Variants in ZBTB8B observed in about 807,000 individuals in gnomAD.
The protein encoded by ZBTB8B is zinc finger and BTB domain-containing protein 8B.
Under a neutral mutation model 30.3 loss-of-function variants are expected in ZBTB8B, and 17 were observed. The ratio of observed to expected loss-of-function variants is 0.56; its 90% confidence interval spans 0.38 to 0.84. The LOEUF is 0.84. ZBTB8B is among the 40% of genes least tolerant of loss of function. ZBTB8B has a pLI of 0.00. For missense variants in ZBTB8B, 515 were observed against 644.9 expected (o/e 0.80, Z 2.18); for synonymous variants, 248 against 255.6 (o/e 0.97, Z 0.28).
rs1299308178 is a variant in ZBTB8B, at chr1:32,471,383, G to A, written c.759G>A (p.Leu253=). 6.4e-7 allele frequency: 1 copy of A among 1,551,822 alleles called. No homozygotes were observed. The change falls in exon 2 of 4, where the codon CTG becomes CTA. Residue 253 remains leucine (L), a synonymous_variant. Transcript: ENST00000609129. The part of the protein sequence containing the change: ...GEQLQQYAAP[L]NLAHVEEALP... Reference sequence around the variant, plus strand: ...AGCTGCAGCAGTATGCTGCCCCGCTGAACCTGGCCCACGTGGAGGAGGCCT... The same window carrying A: ...AGCTGCAGCAGTATGCTGCCCCGCTAAACCTGGCCCACGTGGAGGAGGCCT...
At position 32,492,668 on chromosome 1, in the gene ZBTB8B, A is replaced by C. The variant is rs1643787462; in HGVS notation, c.*7250A>C. ...CTTGCCTGCTTCTGTTGCTCCCAGC[A>C]GATCAATGAGTGAAGATGGCTGGTT... On this transcript the variant is annotated 3_prime_UTR_variant, in exon 4 of 4. Transcript: ENST00000609129. The C allele has an allele frequency of 6.6e-6, 1 of 152,248 alleles. No individual in the cohort carries two copies. The highest frequency in any genetic ancestry group is 1.5e-5 in the Non-Finnish European group (1 of 68,072). 9.4% of individuals were successfully genotyped at this position (152,248 alleles called of 1,614,324 possible).
chr1:32,471,303 A>G lies in ZBTB8B; in HGVS notation c.679A>G (p.Ile227Val), dbSNP rs756397367. 75 of 1,551,668 alleles carry G rather than the reference A, an allele frequency of 4.8e-5. No individual in the cohort carries two copies. The highest frequency in any genetic ancestry group is 6.1e-5 in the Non-Finnish European group (70 of 1,147,010). The change falls in exon 2 of 4, where the codon ATA becomes GTA. Residue 227 changes from isoleucine to valine, a missense_variant. Physicochemically the swap from Ile to Val is conservative, Grantham distance 29. This residue lies in a region of ZBTB8B where 429 missense variants were observed against 504.3 expected (regional missense o/e 0.85). Coordinates refer to ENST00000609129, the MANE Select transcript of ZBTB8B (RefSeq NM_001145720.2). ...DSNLSTPPKR[I>V]EPKVEFDADE... ...CAACCTCTCTACTCCACCCAAACGG[A>G]TAGAGCCCAAGGTGGAATTTGATGC...
chr1:32,487,405 G>C lies in ZBTB8B; in HGVS notation c.*1987G>C, dbSNP rs1314755947. ...GTGACTCATGGCTTTGTCTTCTTGA[G>C]TGAGGTATGGACCAGTTCAGTTCTG... On this transcript the variant is annotated 3_prime_UTR_variant, in exon 4 of 4. Transcript: ENST00000609129. 1 of 152,276 alleles carries C rather than the reference G, an allele frequency of 6.6e-6. No individual in the cohort carries two copies. Among genetic ancestry groups the C allele is most frequent in the South Asian group, 2.1e-4 (1 of 4,832 alleles). 9.4% of individuals were successfully genotyped at this position (152,276 alleles called of 1,614,324 possible). A position where few individuals can be genotyped will look rare whatever the true frequency, so the allele number is the denominator to read the frequency against.
At chr1:32,475,447 G>T (rs566375100) in intron 2 of ZBTB8B, among the ~76,000 whole-genome samples, 1 of 152,088 alleles carries the variant, frequency 6.6e-6, no homozygotes, top group Non-Finnish European at 1.5e-5. Flanking sequence ...TTAGCCAGGC[G>T]TGGTGGCGAG....
chr1:32,470,316 C>T (rs1286720001), intron 1 of ZBTB8B, among the ~76,000 whole-genome samples: 2 of 149,864 alleles, frequency 1.3e-5, no homozygotes, highest in Admixed American at 6.6e-5. Context: ...CTGGCTAACA[C>T]GGTGAAACCC....
rs949752445 is a variant in ZBTB8B, at chr1:32,485,486, A to G, written c.*68A>G. 6.9e-7 allele frequency: 1 copy of G among 1,454,240 alleles called. No homozygotes were observed. Among genetic ancestry groups the G allele is most frequent in the Non-Finnish European group, 9.3e-7 (1 of 1,079,442 alleles). The allele number at this position is 1,454,240 out of a possible 1,614,324, so 90.1% of individuals were successfully genotyped here. Reference sequence around the variant, plus strand: ...GCTCGTTCTGTTGTTGAAAGATACCATTTGTCCAATTTTGTGGAACCCTGA... The same window carrying G: ...GCTCGTTCTGTTGTTGAAAGATACCGTTTGTCCAATTTTGTGGAACCCTGA... On this transcript the variant is annotated 3_prime_UTR_variant, in exon 4 of 4. Transcript: ENST00000609129.
chr1:32,470,631 A>G lies in ZBTB8B; in HGVS notation c.7A>G (p.Met3Val), dbSNP rs1379367547. The G allele has an allele frequency of 1.3e-6, 2 of 1,549,460 alleles. No homozygotes were observed. The highest frequency in any genetic ancestry group is 2.4e-5 in the South Asian group (2 of 83,978). ME[M>V]QSYYAKLLGE... ...AGCAGCAGCTGGCGGAGCAATGGAG[A>G]TGCAATCCTATTATGCCAAGCTTTT... is the stretch of plus-strand genomic sequence containing the variant. The change falls in exon 2 of 4, where the codon ATG (methionine) becomes GTG (valine). Residue 3 changes from methionine (M) to valine (V), a missense_variant. By Grantham distance (21) the Met-to-Val change is conservative. Around this residue, in one of 3 missense-constraint regions of ZBTB8B, gnomAD observed 25 missense variants for 22.9 expected, o/e 1.09. Transcript: ENST00000609129.
chr1:32,479,321 T>C (rs1643687290), intron 2 of ZBTB8B, among the ~76,000 whole-genome samples: 1 of 152,098 alleles, frequency 6.6e-6, no homozygotes, highest in African/African-American at 2.4e-5. Context: ...GGTCAGGAGT[T>C]GAGACCTGCC....
Position 32,481,054 on chromosome 1 carries a change from G to A in ZBTB8B, c.1155G>A (p.Arg385=), listed in dbSNP as rs753975350. The change falls in exon 3 of 4, where the codon CGG becomes CGA. Residue 385 remains arginine, a synonymous_variant. Transcript: ENST00000609129. ...GKRFTRQEHL[R]SHALSVHRSN... ...GGTTCACTCGACAAGAGCACCTGCG[G>A]AGCCACGCACTGAGTGTAAGTGTTC... The A allele has an allele frequency of 3.9e-6, 6 of 1,551,518 alleles. No individual in the cohort carries two copies. The highest frequency in any genetic ancestry group is 3.6e-5 in the South Asian group (3 of 83,986).
rs1467762650 is a variant in ZBTB8B, at chr1:32,492,035, T to C, written c.*6617T>C. 3.9e-5 allele frequency: 6 copies of C among 152,296 alleles called. No individual in the cohort carries two copies. Among genetic ancestry groups the C allele is most frequent in the African/African-American group, 1.4e-4 (6 of 41,564 alleles). 9.4% of individuals were successfully genotyped at this position (152,296 alleles called of 1,614,324 possible). ...AACTCATTTTTCCTTTCTTGAATAG[T>C]GTTGTTGGTGCTTAGTTGCTTGTGA... is the stretch of plus-strand genomic sequence containing the variant. On this transcript the variant is annotated 3_prime_UTR_variant, in exon 4 of 4. Coordinates refer to ENST00000609129, the MANE Select transcript of ZBTB8B (RefSeq NM_001145720.2).
chr1:32,471,103 G>A lies in ZBTB8B; in HGVS notation c.479G>A (p.Ser160Asn). ...GCGGCTCATCAGGTTGACAGTGAAA[G>A]CCCCAGTTCAGGCCGGGAGGGGACC... ...AAAAHQVDSE[S>N]PSSGREGTSC... Residue 160 changes from serine (S) to asparagine (N), a missense_variant, in exon 2 of 4, where the codon AGC becomes AAC. Physicochemically the swap from Ser to Asn is conservative, Grantham distance 46. This residue lies in a region of ZBTB8B where 429 missense variants were observed against 504.3 expected (regional missense o/e 0.85). Transcript: ENST00000609129. 3 of 1,551,428 alleles carry A rather than the reference G, an allele frequency of 1.9e-6. No individual in the cohort carries two copies. Among genetic ancestry groups the A allele is most frequent in the Non-Finnish European group, 2.6e-6 (3 of 1,146,976 alleles).
chr1:32,475,076 C>T (rs1643652476), intron 2 of ZBTB8B, among the ~76,000 whole-genome samples: 1 of 152,200 alleles, frequency 6.6e-6, no homozygotes, highest in South Asian at 2.1e-4. Context: ...TGCCCTGGCC[C>T]CTGGCCATGC....
Position 32,471,207 on chromosome 1 carries a change from G to C in ZBTB8B, c.583G>C (p.Gly195Arg). 1 of 1,551,918 alleles carries C rather than the reference G, an allele frequency of 6.4e-7. No homozygotes were observed. The highest frequency in any genetic ancestry group is 8.7e-7 in the Non-Finnish European group (1 of 1,147,046). Reference protein sequence around the residue: ...SVECLRESPCGDCGDCHPLEL... With the variant: ...SVECLRESPCRDCGDCHPLEL... ...GGAGTGCCTGAGAGAGTCCCCTTGC[G>C]GTGACTGCGGAGACTGCCACCCCTT... The change falls in exon 2 of 4, where the codon GGT becomes CGT. Residue 195 changes from glycine (G) to arginine (R), a missense_variant. Physicochemically the swap from Gly to Arg is moderately radical, Grantham distance 125. This residue lies in a region of ZBTB8B where 429 missense variants were observed against 504.3 expected (regional missense o/e 0.85). Transcript: ENST00000609129.
Position 32,490,275 on chromosome 1 carries a change from C to T in ZBTB8B, c.*4857C>T, listed in dbSNP as rs1643770422. 1 of 152,242 alleles carries T rather than the reference C, an allele frequency of 6.6e-6. No homozygotes were observed. The highest frequency in any genetic ancestry group is 1.5e-5 in the Non-Finnish European group (1 of 68,100). The allele number at this position is 152,242 out of a possible 1,614,324, so 9.4% of individuals were successfully genotyped here. Reference sequence around the variant, plus strand: ...TATTATGCTCTGTTTTGAGCATTCCCACTGTGCTTCCTGTTGTTGCTGGTC... The same window carrying T: ...TATTATGCTCTGTTTTGAGCATTCCTACTGTGCTTCCTGTTGTTGCTGGTC... On this transcript the variant is annotated 3_prime_UTR_variant, in exon 4 of 4. Transcript: ENST00000609129.
At position 32,496,431 on chromosome 1, in the gene ZBTB8B, T is replaced by C. The variant is rs1643817787; in HGVS notation, c.*11013T>C. 6.6e-6 allele frequency: 1 copy of C among 152,176 alleles called. No individual in the cohort carries two copies. Among genetic ancestry groups the C allele is most frequent in the Non-Finnish European group, 1.5e-5 (1 of 68,038 alleles). The allele number at this position is 152,176 out of a possible 1,614,324, so 9.4% of individuals were successfully genotyped here. A position where few individuals can be genotyped will look rare whatever the true frequency, so the allele number is the denominator to read the frequency against. ...ATGGATTAGTTCATTACAAAGGCAC[T>C]TGTCAAAACATATTTATTAAAAAGA... On this transcript the variant is annotated 3_prime_UTR_variant, in exon 4 of 4. Coordinates refer to ENST00000609129, the MANE Select transcript of ZBTB8B (RefSeq NM_001145720.2).
In ZBTB8B at chr1:32,480,981, G is replaced by A. The variant is rs770858622; in HGVS notation, c.1082G>A (p.Arg361His). The change falls in exon 3 of 4, where the codon CGT becomes CAT. Residue 361 changes from arginine (R) to histidine (H), a missense_variant. By Grantham distance (29) the Arg-to-His change is conservative. This residue lies in a region of ZBTB8B where 429 missense variants were observed against 504.3 expected (regional missense o/e 0.85). Transcript: ENST00000609129. ...AAGGGCATCCTCAAGCGGCACATCC[G>A]TTCACACACAGGCGAGCGGCCCTAC... ...KQKGILKRHI[R>H]SHTGERPYPC... 3.7e-5 allele frequency: 57 copies of A among 1,552,420 alleles called. No homozygotes were observed. The highest frequency in any genetic ancestry group is 4.2e-5 in the Non-Finnish European group (48 of 1,147,230).
intron 3 of ZBTB8B, among the ~76,000 whole-genome samples, chr1:32,482,066 C>A (rs566599230): frequency 4.1e-4 from 63 of 152,220 alleles, no homozygotes; most frequent in African/African-American, 1.4e-3. Context: ...CTTGACCTCC[C>A]AAGGCACAGG....
At position 32,471,068 on chromosome 1, in the gene ZBTB8B, G is replaced by A. The variant is rs1643615450; in HGVS notation, c.444G>A (p.Ala148=). 1.9e-6 allele frequency: 3 copies of A among 1,544,796 alleles called. No homozygotes were observed. Among genetic ancestry groups the A allele is most frequent in the East Asian group, 2.4e-5 (1 of 40,852 alleles). Residue 148 remains alanine (A), a synonymous_variant, in exon 2 of 4, where the codon GCG becomes GCA. Transcript: ENST00000609129. ...CGGCAGCGGCGGCGGCTGCAGCGGC[G>A]GCAGCAGCGGCGGCTCATCAGGTTG... ...VAAAAAAAAA[A]AAAAAHQVDS... is the part of the protein sequence containing the mutation.
chr1:32,485,434 G>A lies in ZBTB8B; in HGVS notation c.*16G>A, dbSNP rs1393752012. The A allele has an allele frequency of 1.3e-6, 2 of 1,542,596 alleles. No individual in the cohort carries two copies. Among genetic ancestry groups the A allele is most frequent in the South Asian group, 2.4e-5 (2 of 83,648 alleles). On this transcript the variant is annotated 3_prime_UTR_variant, in exon 4 of 4. Coordinates refer to ENST00000609129, the MANE Select transcript of ZBTB8B (RefSeq NM_001145720.2). Reference sequence around the variant, plus strand: ...ACTTACGTAGCAATAAATTGGTGGGGAAGAGGAGGTTTTAAAACTTGTTAG... The same window carrying A: ...ACTTACGTAGCAATAAATTGGTGGGAAAGAGGAGGTTTTAAAACTTGTTAG...
Sources: gnomAD v4.1 joint callset for allele counts (sites outside exome capture counted in the v4.1 genomes callset) on GRCh38, gnomAD v4.1.1 for gene constraint, gnomAD v4.1.1 regional missense constraint, MANE v1.5 for transcripts, NCBI Gene and HGNC (gene_info 2026-07-23, HGNC 2026-07-21) for gene names.